DNPEP: variants seen among roughly 807,000 people sequenced by gnomAD.
DNPEP encodes aspartyl aminopeptidase.
Under a neutral mutation model 59.1 loss-of-function variants are expected in DNPEP, and 46 were observed. The ratio of observed to expected loss-of-function variants is 0.78; its 90% CI spans 0.61 to 0.99. The LOEUF (loss-of-function observed/expected upper bound fraction) is 0.99, where lower values mean the gene tolerates loss of function less well. DNPEP is among the 50% of genes least tolerant of loss of function. The pLI is 0.00. For synonymous variants in DNPEP, 229 were observed against 242.2 expected, an observed-to-expected ratio of 0.95 and a Z score of 0.50; for missense variants, 617 against 649.9, an observed-to-expected ratio of 0.95 and a Z score of 0.55.
chr2:219,380,566 A>C (rs1953549588), intron 13 of DNPEP, among the ~76,000 whole-genome samples: 1 of 151,872 alleles, frequency 6.6e-6, no homozygotes, highest in African/African-American at 2.4e-5. Flanking sequence ...ATTTTGTTAC[A>C]GTTACCTACA....
At chr2:219,387,959 T>TC (rs1953926977), upstream of DNPEP, 18 of 970,220 alleles carry the variant, frequency 1.9e-5, no homozygotes, top group Non-Finnish European at 2.3e-5. Flanking sequence ...CGCCCACCTC[T>TC]CCCCGCCCCT....
At chr2:219,383,698 C>A (rs1241699069) in intron 9 of DNPEP, among the ~76,000 whole-genome samples, 1 of 152,062 alleles carries the variant, frequency 6.6e-6, no homozygotes, top group Non-Finnish European at 1.5e-5. Flanking sequence ...GACTGAGGTT[C>A]AAAGAGGTGA....
intron 10 of DNPEP, 74 bp downstream of exon 10, chr2:219,383,057 G>A (rs1315404997): frequency 1.3e-5 from 19 of 1,420,582 alleles, no homozygotes; most frequent in African/African-American, 8.4e-5. Flanking sequence ...CCTGGCTCAC[G>A]GTGGATGCCT....
chr2:219,385,777 G>T (rs934862443), intron 6 of DNPEP, 71 bp from the exon 7 acceptor site: 5 of 1,453,626 alleles, frequency 3.4e-6, no homozygotes, highest in Non-Finnish European at 4.7e-6. Context: ...ATAAGTTCAG[G>T]TGCCTCCTGA....
chr2:219,395,886 C>T (rs1422060423), intron 1 of DNPEP, among the ~76,000 whole-genome samples: 2 of 152,176 alleles, frequency 1.3e-5, no homozygotes, highest in Non-Finnish European at 2.9e-5. Context: ...TTTTACTTTG[C>T]TGCTGCAATC....
chr2:219,379,708 G>T (rs1336750443), intron 13 of DNPEP, among the ~76,000 whole-genome samples: 1 of 152,014 alleles, frequency 6.6e-6, no homozygotes, highest in African/African-American at 2.4e-5. Context: ...GGATCACAAG[G>T]TCAGGAGTTC....
chr2:219,385,261 G>C, intron 8 of DNPEP, 163 bp downstream of exon 8: 1 of 583,404 alleles, frequency 1.7e-6, no homozygotes, highest in South Asian at 2.3e-5. Context: ...GTCTTTTTGA[G>C]AACCACCGCC....
At position 219,387,322 on chromosome 2, in the gene DNPEP, G is replaced by T; in HGVS notation, c.37-159C>A. The T allele has an allele frequency of 2.1e-6, 3 of 1,444,112 alleles. No homozygotes were observed. The South Asian group carries it at 4.5e-5, about 22-fold the overall frequency. The allele number at this position is 1,444,112 out of a possible 1,614,324, so 89.5% of individuals were successfully genotyped here. The stretch of plus-strand genomic sequence containing the variant: ...CACCGAGAGACCCAAACCCAGGGCT[G>T]AAACTCCGTTGAAAGCTTCAGCCCG... On this transcript the variant is annotated intron_variant, in intron 1 of 14. Coordinates refer to ENST00000273075, the MANE Select transcript of DNPEP (RefSeq NM_012100.4).
At chr2:219,391,264 T>G (rs1954011814), upstream of DNPEP, among the ~76,000 whole-genome samples, 1 of 152,222 alleles carries the variant, frequency 6.6e-6, no homozygotes, top group East Asian at 1.9e-4. Context: ...TCAGCCTCTT[T>G]CGTCGGCTTT....
chr2:219,377,169 G>A (rs373247536), intron 13 of DNPEP, among the ~76,000 whole-genome samples: 2 of 151,046 alleles, frequency 1.3e-5, no homozygotes, highest in Non-Finnish European at 2.9e-5. Flanking sequence ...AGCTACTTTG[G>A]AGGCTGAGAC....
chr2:219,399,854 G>A, intron 1 of DNPEP: 2 of 1,550,014 alleles, frequency 1.3e-6, no homozygotes, highest in South Asian at 1.2e-5. Flanking sequence ...GAACTAGACA[G>A]GCCCCGGTTA....
Position 219,382,090 on chromosome 2 carries a change from A to T in DNPEP, c.986T>A (p.Val329Glu). Residue 329 changes from valine to glutamate, a missense_variant, in exon 11 of 15, where the codon GTG (valine) becomes GAG (glutamate). Transcript: ENST00000273075. ...GCACGAGGCTGAGATCCGCCGCAGC[A>T]CCAGCTCTGTCAGCAGTGACTGTGC... ...QGAQSLLTEL[V>E]LRRISASCQH... 1 of 1,613,742 alleles carries T rather than the reference A, an allele frequency of 6.2e-7. No homozygotes were observed.
Position 219,386,400 on chromosome 2 carries a change from C to A in DNPEP, c.345G>T (p.Arg115=), listed in dbSNP as rs1559340164. The A allele has an allele frequency of 6.2e-7, 1 of 1,614,208 alleles. No homozygotes were observed. Among genetic ancestry groups the A allele is most frequent in the Non-Finnish European group, 8.5e-7 (1 of 1,180,040 alleles). ...TDSPCLRVKR[R]SRRSQVGFQQ... The stretch of plus-strand genomic sequence containing the variant: ...GGAAGCCCACCTGGCTGCGGCGAGA[C>A]CGACGTTTCACCTGAGTGTAAAGAT... The change falls in exon 5 of 15, where the codon CGG becomes CGT. Residue 115 remains arginine, a synonymous_variant. Transcript: ENST00000273075.
At chr2:219,391,851 A>T (rs1198072122), upstream of DNPEP, among the ~76,000 whole-genome samples, 1 of 147,940 alleles carries the variant, frequency 6.8e-6, no homozygotes, top group Non-Finnish European at 1.5e-5. Context: ...ACAGTATTTT[A>T]AAGTGCTGTG....
chr2:219,389,628 G>A (rs1303196477), upstream of DNPEP, among the ~76,000 whole-genome samples: 1 of 152,004 alleles, frequency 6.6e-6, no homozygotes, highest in Admixed American at 6.6e-5. Context: ...TCAGGAGTTC[G>A]TGACCAGTCT....
chr2:219,381,482 G>A (rs758919625), intron 12 of DNPEP, 46 bp from the exon 13 acceptor site: 1 of 1,613,662 alleles, frequency 6.2e-7, no homozygotes, highest in Non-Finnish European at 8.5e-7. Context: ...GGCCCAAAGG[G>A]AATGAGTCGG....
intron 13 of DNPEP, among the ~76,000 whole-genome samples, chr2:219,380,202 C>CTTTTTTTTTTTTT (rs71040453): frequency 2.3e-5 from 3 of 129,196 alleles, no homozygotes; most frequent in South Asian, 2.5e-4. Flanking sequence ...TTTTTCTTTT[C>CTTTTTTTTTTTTT]TTTTTTTTTT....
chr2:219,375,110 AG>A, intron 13 of DNPEP, 88 bp from the exon 14 acceptor site: 2 of 1,430,732 alleles, frequency 1.4e-6, no homozygotes, highest in Non-Finnish European at 1.9e-6. Flanking sequence ...CAGGGTGGGA[AG>A]GGGCCTGGGA....
At chr2:219,381,715 A>T in intron 11 of DNPEP, 131 bp from the exon 12 acceptor site, 1 of 1,116,772 alleles carries the variant, frequency 9.0e-7, no homozygotes, top group Non-Finnish European at 1.4e-6. Flanking sequence ...CTTCAGAGTC[A>T]TTCCACACAC....
Sources: allele counts gnomAD v4.1 joint callset (sites outside exome capture counted in the v4.1 genomes callset), GRCh38; gene constraint gnomAD v4.1.1; transcripts MANE v1.5; gene names NCBI Gene and HGNC (gene_info 2026-07-23, HGNC 2026-07-21).